ADGRG4: variants seen among roughly 807,000 people sequenced by gnomAD.
The protein encoded by ADGRG4 is G protein-coupled receptor 112.
A neutral mutation model predicts 126.2 loss-of-function variants in ADGRG4; 122 were observed. The observed-to-expected ratio is 0.97, with a 90% CI of 0.83 to 1.12. The LOEUF (loss-of-function observed/expected upper bound fraction) is 1.12. ADGRG4 is among the 50% of genes most tolerant of loss of function. The pLI, the probability that ADGRG4 is intolerant of heterozygous loss-of-function variation, is 0.00. For synonymous variants in ADGRG4, 943 were observed against 838.7 expected (o/e 1.12, Z -2.15); for missense variants, 2,481 against 2,251.8 (o/e 1.10, Z -2.06).
intron 3 of ADGRG4, among the ~76,000 whole-genome samples, chrX:136,308,308 C>T (rs2074746800): frequency 8.9e-6 from 1 of 111,784 alleles, no homozygotes; most frequent in Admixed American, 9.5e-5. Context: ...TGGGGTTTCA[C>T]CATGTTGGCC....
rs373273371 is a variant in ADGRG4 at position 136,345,477 on chromosome X, G to A, written c.1771G>A (p.Ala591Thr). The A allele has an allele frequency of 1.2e-5, 14 of 1,209,127 alleles. No individual in the cohort carries two copies. Among genetic ancestry groups the A allele is most frequent in the Admixed American group, 1.1e-4 (5 of 45,632 alleles). The part of the protein sequence containing the change: ...RTALTPEITL[A>T]STVAETMLSS... ...AGCCTTAACTCCTGAAATCACACTT[G>A]CATCTACAGTGGCTGAAACTATGCT... The change falls in exon 6 of 26, where the codon GCA (alanine) becomes ACA (threonine). Residue 591 changes from alanine to threonine, a missense_variant. Physicochemically the swap from Ala to Thr is moderately conservative, Grantham distance 58 (BLOSUM62 0). Coordinates refer to ENST00000394143, the MANE Select transcript of ADGRG4 (RefSeq NM_153834.4).
chrX:136,354,453 G>GT lies in ADGRG4; in HGVS notation c.6887+1060dup, dbSNP rs886568764. 1.3e-4 allele frequency among the ~76,000 whole-genome samples: 14 copies of GT among 110,680 alleles called. 1 individual carries two copies. The highest frequency in any genetic ancestry group is 9.5e-5 in the Non-Finnish European group (5 of 52,748). On this transcript the variant is annotated intron_variant, in intron 8 of 25. Transcript: ENST00000394143. ...GTACTGTTTCAAAAAAATTCAAACT[G>GT]TTTTTTTTCCTCTGTTGTCATACCA...
At chrX:136,343,233 A>AT (rs2074990813) in intron 5 of ADGRG4, among the ~76,000 whole-genome samples, 1 of 110,868 alleles carries the variant, frequency 9.0e-6, no homozygotes, top group South Asian at 3.9e-4. Flanking sequence ...GCATAATTTA[A>AT]TGTATGATAG....
chrX:136,373,989 A>G (rs1000144040), intron 15 of ADGRG4, among the ~76,000 whole-genome samples: 1 of 111,529 alleles, frequency 9.0e-6, no homozygotes, highest in Non-Finnish European at 1.9e-5. Flanking sequence ...GAATATTACT[A>G]TCACCTCTGA....
chrX:136,338,476 T>A (rs1478414770), intron 5 of ADGRG4, among the ~76,000 whole-genome samples: 1 of 111,762 alleles, frequency 8.9e-6, no homozygotes, highest in Non-Finnish European at 1.9e-5. Context: ...ATTTCAAAAA[T>A]TTTAAGTTCA....
At chrX:136,398,841 G>C (rs1488883697) in intron 20 of ADGRG4, among the ~76,000 whole-genome samples, 1 of 111,982 alleles carries the variant, frequency 8.9e-6, no homozygotes, top group Non-Finnish European at 1.9e-5. Flanking sequence ...ATTTATAGCA[G>C]CTTCAGTCAC....
At chrX:136,325,933 A>G (rs2074869843) in intron 5 of ADGRG4, among the ~76,000 whole-genome samples, 1 of 110,344 alleles carries the variant, frequency 9.1e-6, no homozygotes, top group Admixed American at 9.6e-5. Flanking sequence ...CTGGTCTCGA[A>G]CTCCTGACCT....
intron 20 of ADGRG4, among the ~76,000 whole-genome samples, chrX:136,398,465 A>C (rs1178240839): frequency 1.8e-5 from 2 of 112,334 alleles, no homozygotes; most frequent in Non-Finnish European, 1.9e-5. Context: ...GGCACCTCAC[A>C]AAAGAGAATA....
At chrX:136,385,213 C>T (rs1365610012) in intron 15 of ADGRG4, among the ~76,000 whole-genome samples, 1 of 111,309 alleles carries the variant, frequency 9.0e-6, no homozygotes, top group African/African-American at 3.3e-5. Flanking sequence ...CCATCCTGTG[C>T]AATTTTTTAA....
chrX:136,347,598 G>A lies in ADGRG4; in HGVS notation c.3892G>A (p.Asp1298Asn). Reference sequence around the variant, plus strand: ...GGGTACTCCATCTTTGGAAATGACAGATACAGGATTTCCTGAGACCACAAA... The same window carrying A: ...GGGTACTCCATCTTTGGAAATGACAAATACAGGATTTCCTGAGACCACAAA... The part of the protein sequence containing the change: ...SRGTPSLEMT[D>N]TGFPETTKIS... The change falls in exon 6 of 26, where the codon GAT becomes AAT. Residue 1298 changes from aspartate (D) to asparagine (N), a missense_variant. Coordinates refer to ENST00000394143, the MANE Select transcript of ADGRG4 (RefSeq NM_153834.4). 3 of 1,208,256 alleles carry A rather than the reference G, an allele frequency of 2.5e-6. No individual in the cohort carries two copies. Among genetic ancestry groups the A allele is most frequent in the East Asian group, 3.0e-5 (1 of 33,799 alleles).
At chrX:136,392,064 T>G (rs1392204842) in intron 16 of ADGRG4, among the ~76,000 whole-genome samples, 168 bp from the exon 17 acceptor site, 1 of 112,574 alleles carries the variant, frequency 8.9e-6, no homozygotes, top group Non-Finnish European at 1.9e-5. Flanking sequence ...GGAGACCTTA[T>G]GTGAAGACAG....
chrX:136,346,066 A>G lies in ADGRG4; in HGVS notation c.2360A>G (p.Asp787Gly), dbSNP rs1050146626. 2 of 1,207,690 alleles carry G rather than the reference A, an allele frequency of 1.7e-6. No homozygotes were observed. The highest frequency in any genetic ancestry group is 3.5e-5 in the African/African-American group (2 of 57,099). ...TPRETVVPSV[D>G]IISTLACIQP... ...AGGGAGACTGTTGTTCCATCAGTAGATATAATATCTACTCTTGCTTGCATT... is the reference window on the plus strand; with the variant it reads ...AGGGAGACTGTTGTTCCATCAGTAGGTATAATATCTACTCTTGCTTGCATT... The change falls in exon 6 of 26, where the codon GAT becomes GGT. Residue 787 changes from aspartate to glycine, a missense_variant. Transcript: ENST00000394143.
chrX:136,305,439 G>C (rs1236495286), intron 3 of ADGRG4, among the ~76,000 whole-genome samples: 4 of 111,916 alleles, frequency 3.6e-5, no homozygotes, highest in Non-Finnish European at 3.8e-5. Context: ...GTAAAGTTCA[G>C]AGGCTGACAG....
chrX:136,373,486 A>C (rs1480740074), intron 15 of ADGRG4, among the ~76,000 whole-genome samples: 1 of 111,965 alleles, frequency 8.9e-6, no homozygotes, highest in African/African-American at 3.2e-5. Context: ...TTTCCACCAT[A>C]TCATACCACC....
At chrX:136,308,491 C>T (rs773997011) in intron 3 of ADGRG4, among the ~76,000 whole-genome samples, 126 of 112,104 alleles carry the variant, frequency 1.1e-3, no homozygotes, top group Middle Eastern at 4.6e-3. Context: ...TGTGTCTTGT[C>T]TTCTCAGCAC....
In ADGRG4 at chrX:136,350,221, A is replaced by T. The variant is rs771865423; in HGVS notation, c.6515A>T (p.Lys2172Met). Residue 2172 changes from lysine to methionine, a missense_variant, in exon 6 of 26, where the codon AAG (lysine) becomes ATG (methionine). Lys to Met is a moderately conservative substitution (Grantham distance 95, BLOSUM62 -1). Coordinates refer to ENST00000394143, the MANE Select transcript of ADGRG4 (RefSeq NM_153834.4). Reference sequence around the variant, plus strand: ...TCACCCTCTACTTTAATTATTCCTAAGCCCACACTGGACTCCCTTCTAAAT... The same window carrying T: ...TCACCCTCTACTTTAATTATTCCTATGCCCACACTGGACTCCCTTCTAAAT... Reference protein sequence around the residue: ...ASSPSTLIIPKPTLDSLLNIM... With the variant: ...ASSPSTLIIPMPTLDSLLNIM... 3 of 1,204,889 alleles carry T rather than the reference A, an allele frequency of 2.5e-6. No individual in the cohort carries two copies. The highest frequency in any genetic ancestry group is 5.9e-5 in the East Asian group (2 of 33,704).
chrX:136,339,029 T>A (rs1160988104), intron 5 of ADGRG4, among the ~76,000 whole-genome samples: 1 of 110,112 alleles, frequency 9.1e-6, no homozygotes, highest in Non-Finnish European at 1.9e-5. Context: ...GGCATCTCCT[T>A]AGGCCAGGCC....
At chrX:136,327,464 A>AAATAATAATAAT (rs201257685) in intron 5 of ADGRG4, among the ~76,000 whole-genome samples, 23,147 of 97,368 alleles carry the variant, frequency 0.24, 2,272 homozygotes, top group Admixed American at 0.3. Context: ...GTGGGAAATA[A>AAATAATAATAAT]AATAATAATA....
At chrX:136,403,932 T>C (rs758957035) in intron 22 of ADGRG4, among the ~76,000 whole-genome samples, 1 of 111,594 alleles carries the variant, frequency 9.0e-6, no homozygotes, top group South Asian at 3.8e-4. Flanking sequence ...ACCCCACCTC[T>C]CCAGAACCTT....
Sources: allele counts gnomAD v4.1 joint callset (sites outside exome capture counted in the v4.1 genomes callset), GRCh38; gene constraint gnomAD v4.1.1; transcripts MANE v1.5; gene names NCBI Gene and HGNC (gene_info 2026-07-23, HGNC 2026-07-21).